The following PCM1 variants were observed in gnomAD, a reference collection of about 807,000 sequenced individuals.
PCM1 encodes the protein pericentriolar material 1 protein.
A neutral mutation model predicts 241.9 loss-of-function variants in PCM1; 157 were observed. The ratio of observed to expected loss-of-function variants is 0.65; its 90% CI spans 0.57 to 0.74. The LOEUF is 0.74. Among genes scored for constraint, PCM1 ranks in the 30% least tolerant of loss-of-function variants. The pLI is 0.00. For missense variants in PCM1, 3,478 were observed against 2,360.1 expected, an observed-to-expected ratio of 1.47 and a Z score of -9.81; for synonymous variants, 1,085 against 784.9, an observed-to-expected ratio of 1.38 and a Z score of -6.39.
chr8:17,983,362 C>T, intron 24 of PCM1: 1 of 853,874 alleles, frequency 1.2e-6, no homozygotes, highest in South Asian at 1.5e-5. Flanking sequence ...TTTTATTGTC[C>T]TGATTTTTTT....
intron 24 of PCM1, among the ~76,000 whole-genome samples, chr8:17,981,306 G>A (rs75642678): frequency 1.3e-5 from 2 of 152,012 alleles, no homozygotes; most frequent in African/African-American, 2.4e-5. Flanking sequence ...TTGTAAGTTC[G>A]TTTCTCTGCT....
At chr8:17,940,692 T>G (rs1334221462) in intron 6 of PCM1, among the ~76,000 whole-genome samples, 4 of 152,202 alleles carry the variant, frequency 2.6e-5, no homozygotes, top group Non-Finnish European at 5.9e-5. Context: ...TGTGACTTAT[T>G]CACAATGAGA....
chr8:17,992,374 A>G (rs1334672660), intron 28 of PCM1, among the ~76,000 whole-genome samples: 1 of 152,122 alleles, frequency 6.6e-6, no homozygotes, highest in African/African-American at 2.4e-5. Flanking sequence ...AGCAGTGTAA[A>G]ATTGTTCCCT....
intron 6 of PCM1, among the ~76,000 whole-genome samples, chr8:17,946,627 G>C (rs35207417): frequency 0.027 from 4,178 of 152,180 alleles, 89 homozygotes; most frequent in East Asian, 0.065. Flanking sequence ...CTCCTGAGTA[G>C]CTGGGATAAC....
chr8:18,015,510 G>A (rs1327255477), intron 36 of PCM1, among the ~76,000 whole-genome samples: 1 of 150,212 alleles, frequency 6.7e-6, no homozygotes, highest in Non-Finnish European at 1.5e-5. Flanking sequence ...GACTTTCTGA[G>A]AAGGTACTTG....
At chr8:18,007,859 G>A (rs1268316292) in intron 30 of PCM1, among the ~76,000 whole-genome samples, 1 of 152,074 alleles carries the variant, frequency 6.6e-6, no homozygotes, top group Non-Finnish European at 1.5e-5. Context: ...GAGAGGAGCA[G>A]GCATTGAACA....
chr8:17,975,458 C>T lies in PCM1; in HGVS notation c.3943+2771C>T, dbSNP rs115425930. On this transcript the variant is annotated intron_variant, in intron 23 of 38. Transcript: ENST00000325083. The stretch of plus-strand genomic sequence containing the variant: ...GATTACAGGTGTGAGCCACAGCGCC[C>T]GACCAATTTTTATTATATCTTAAAG... 5.8e-3 allele frequency among the ~76,000 whole-genome samples: 885 copies of T among 152,090 alleles called. 13 individuals carry two copies. Among genetic ancestry groups the T allele is most frequent in the African/African-American group, 0.02 (843 of 41,510 alleles).
chr8:17,957,159 A>G lies in PCM1; in HGVS notation c.1647-105A>G. 4 of 848,082 alleles carry G rather than the reference A, an allele frequency of 4.7e-6. No individual in the cohort carries two copies. In the East Asian group the frequency reaches 7.6e-5, roughly 16 times the overall value. 52.5% of individuals were successfully genotyped at this position (848,082 alleles called of 1,614,324 possible). A position where few individuals can be genotyped will look rare whatever the true frequency, so the allele number is the denominator to read the frequency against. On this transcript the variant is annotated intron_variant, in intron 11 of 38. Coordinates refer to ENST00000325083, the MANE Select transcript of PCM1 (RefSeq NM_006197.4). ...AATTTGAATTTAAATGGAATAGCCAACAATGTGCTTGGTTTGGTGTTATTT... is the reference window on the plus strand; with the variant it reads ...AATTTGAATTTAAATGGAATAGCCAGCAATGTGCTTGGTTTGGTGTTATTT...
chr8:17,955,451 G>A lies in PCM1; in HGVS notation c.1289-19G>A. The A allele has an allele frequency of 2.6e-6, 4 of 1,530,598 alleles. No individual in the cohort carries two copies. The highest frequency in any genetic ancestry group is 3.5e-6 in the Non-Finnish European group (4 of 1,140,236). The allele number at this position is 1,530,598 out of a possible 1,614,324, so 94.8% of individuals were successfully genotyped here. A position where few individuals can be genotyped will look rare whatever the true frequency, so the allele number is the denominator to read the frequency against. Reference sequence around the variant, plus strand: ...AACTGGTGATTAAAAAAAATTTTTTGTTGTTGTGCCTTCTTCAGCCTCTCC... The same window carrying A: ...AACTGGTGATTAAAAAAAATTTTTTATTGTTGTGCCTTCTTCAGCCTCTCC... On this transcript the variant is annotated intron_variant, in intron 9 of 38. Transcript: ENST00000325083.
chr8:18,005,038 T>C (rs1254235077), intron 29 of PCM1, among the ~76,000 whole-genome samples: 5 of 152,180 alleles, frequency 3.3e-5, no homozygotes, highest in Admixed American at 3.3e-4. Context: ...GTACAAGTTG[T>C]CTTGTCTATC....
rs747099185 is a variant in PCM1, at chr8:17,955,615, T to C, written c.1434T>C (p.Ser478=). ...PTASLVSQNE[S]ENEGHLNPSE... Reference sequence around the variant, plus strand: ...CTTCTCTAGTATCTCAGAATGAGAGTGAAAACGAAGGCCACCTCAATCCAT... The same window carrying C: ...CTTCTCTAGTATCTCAGAATGAGAGCGAAAACGAAGGCCACCTCAATCCAT... Residue 478 remains serine, a synonymous_variant, in exon 10 of 39, where the codon AGT becomes AGC. Coordinates refer to ENST00000325083, the MANE Select transcript of PCM1 (RefSeq NM_006197.4). 1.2e-6 allele frequency: 2 copies of C among 1,613,674 alleles called. No homozygotes were observed. The highest frequency in any genetic ancestry group is 1.7e-5 in the Admixed American group (1 of 60,014).
At position 17,952,982 on chromosome 8, in the gene PCM1, C is replaced by A; in HGVS notation, c.1084C>A (p.Pro362Thr). The A allele has an allele frequency of 6.3e-7, 1 of 1,583,314 alleles. No homozygotes were observed. The highest frequency in any genetic ancestry group is 1.2e-5 in the South Asian group (1 of 85,698). Residue 362 changes from proline (P) to threonine (T), a missense_variant, in exon 9 of 39, where the codon CCA (proline) becomes ACA (threonine). Transcript: ENST00000325083. The stretch of plus-strand genomic sequence containing the variant: ...TTTTTTTAATAAGCCTCCAGCTGTT[C>A]CAGACAATAGAAGACAGGCAGAAAG... ...QLRDSQPPAV[P>T]DNRRQAESLS...
chr8:17,957,571 G>T lies in PCM1; in HGVS notation c.1836G>T (p.Glu612Asp). Residue 612 changes from glutamate (E) to aspartate (D), a missense_variant, in exon 13 of 39, where the codon GAG (glutamate) becomes GAT (aspartate). Glu to Asp is a conservative substitution (Grantham distance 45, BLOSUM62 2). Transcript: ENST00000325083. ...GATATAATAGAGAAGGGGAACAGGAGATTCATGTTGCACAAGGTGAAGATG... is the reference window on the plus strand; with the variant it reads ...GATATAATAGAGAAGGGGAACAGGATATTCATGTTGCACAAGGTGAAGATG... ...DCRYNREGEQ[E>D]IHVAQGEDDE... The T allele has an allele frequency of 6.4e-7, 1 of 1,573,352 alleles. No homozygotes were observed. The highest frequency in any genetic ancestry group is 8.6e-7 in the Non-Finnish European group (1 of 1,157,746).
intron 22 of PCM1, 139 bp from the exon 23 acceptor site, chr8:17,972,190 T>C: frequency 2.0e-6 from 1 of 492,686 alleles, no homozygotes; most frequent in Non-Finnish European, 3.6e-6. Flanking sequence ...ATTTAATGTG[T>C]ATTTTTGTGA....
Position 17,964,578 on chromosome 8 carries a change from A to T in PCM1, c.2665A>T (p.Thr889Ser). 6 of 1,612,800 alleles carry T rather than the reference A, an allele frequency of 3.7e-6. No homozygotes were observed. The highest frequency in any genetic ancestry group is 2.2e-5 in the East Asian group (1 of 44,856). Residue 889 changes from threonine (T) to serine (S), a missense_variant, in exon 18 of 39, where the codon ACT becomes TCT. Transcript: ENST00000325083. ...TCTCTTAATCACTAGAACGATGGCA[A>T]CTTGGGGAGGGTCTACCCAGTGTGC... The part of the protein sequence containing the change: ...QQSRTEKTMA[T>S]WGGSTQCALD...
At chr8:17,972,240 ATC>A in intron 22 of PCM1, 87 bp from the exon 23 acceptor site, 1 of 570,374 alleles carries the variant, frequency 1.8e-6, no homozygotes, top group Non-Finnish European at 2.6e-6. Context: ...ATTCACCTAA[ATC>A]TACTCGAGTA....
intron 34 of PCM1, among the ~76,000 whole-genome samples, chr8:18,012,793 TTA>T (rs1370504525): frequency 5.3e-5 from 8 of 152,346 alleles, no homozygotes; most frequent in Non-Finnish European, 8.8e-5. Flanking sequence ...CCTCTTTTCC[TTA>T]TCTTTTGGTT....
intron 2 of PCM1, 141 bp from the exon 3 acceptor site, chr8:17,935,448 C>G (rs554208057): frequency 1.7e-6 from 1 of 571,686 alleles, no homozygotes; most frequent in South Asian, 2.4e-5. Context: ...ATCAATTTGT[C>G]TGTGATGTGG....
chr8:17,971,602 A>G (rs953420823), intron 22 of PCM1, among the ~76,000 whole-genome samples: 2 of 152,206 alleles, frequency 1.3e-5, no homozygotes, highest in African/African-American at 2.4e-5. Context: ...GACCAATTGT[A>G]TTCACCAAAT....
Sources: allele counts gnomAD v4.1 joint callset (sites outside exome capture counted in the v4.1 genomes callset), GRCh38; gene constraint gnomAD v4.1.1; transcripts MANE v1.5; gene names NCBI Gene and HGNC (gene_info 2026-07-23, HGNC 2026-07-21).